Variants in TPH2 observed in about 807,000 individuals in gnomAD.
TPH2 encodes the protein tryptophan 5-hydroxylase 2.
TPH2 carries 27 observed loss-of-function variants against 59.1 expected under a neutral mutation model. The ratio of observed to expected loss-of-function variants is 0.46; its 90% CI spans 0.34 to 0.63. The LOEUF (loss-of-function observed/expected upper bound fraction) is 0.63. Ranked by LOEUF, TPH2 falls within the 30% of genes least tolerant of loss-of-function variation. TPH2 has a pLI of 0.01. For synonymous variants in TPH2, 220 were observed against 210.5 expected, an observed-to-expected ratio of 1.05 and a Z score of -0.39; for missense variants, 523 against 588.3, an observed-to-expected ratio of 0.89 and a Z score of 1.15.
At chr12:71,944,918 G>A (rs972944014) in intron 4 of TPH2, among the ~76,000 whole-genome samples, 11 of 152,226 alleles carry the variant, frequency 7.2e-5, no homozygotes, top group Non-Finnish European at 1.3e-4. Flanking sequence ...GGGTTGGATA[G>A]AGGAGGAGAC....
intron 8 of TPH2, among the ~76,000 whole-genome samples, chr12:71,998,567 G>T (rs1481107200): frequency 6.6e-6 from 1 of 151,904 alleles, no homozygotes; most frequent in Non-Finnish European, 1.5e-5. Flanking sequence ...TAACCTGTTG[G>T]ATACCATGCA....
intron 9 of TPH2, among the ~76,000 whole-genome samples, chr12:72,025,623 A>G (rs1028432711): frequency 7.2e-5 from 11 of 152,208 alleles, no homozygotes; most frequent in Non-Finnish European, 1.5e-4. Context: ...CCCCACAGCA[A>G]TGGTTGCCCC....
intron 9 of TPH2, among the ~76,000 whole-genome samples, chr12:72,026,498 T>G (rs889643913): frequency 2.5e-4 from 38 of 152,330 alleles, no homozygotes; most frequent in African/African-American, 8.9e-4. Context: ...CTAGTCTGTA[T>G]AGAAGAGGCC....
At chr12:71,974,511 T>G (rs756758219) in intron 6 of TPH2, among the ~76,000 whole-genome samples, 1 of 141,128 alleles carries the variant, frequency 7.1e-6, no homozygotes, top group Non-Finnish European at 1.6e-5. Flanking sequence ...ACTCTGACCC[T>G]TCTGCCTCCC....
chr12:71,997,482 A>G (rs931337211), intron 8 of TPH2, among the ~76,000 whole-genome samples: 4 of 152,212 alleles, frequency 2.6e-5, no homozygotes, highest in African/African-American at 9.6e-5. Context: ...TACTAGGCCA[A>G]CAAATTTGTA....
chr12:71,983,771 C>CAG lies in TPH2; in HGVS notation c.941+4685_941+4686insGA, dbSNP rs1352744859. 1.3e-4 allele frequency among the ~76,000 whole-genome samples: 19 copies of CAG among 143,920 alleles called. 1 individual carries two copies. Among genetic ancestry groups the CAG allele is most frequent in the African/African-American group, 5.0e-4 (18 of 36,110 alleles). 94.4% of individuals were successfully genotyped at this position (143,920 alleles called of 152,430 possible). On this transcript the variant is annotated intron_variant, in intron 7 of 10. Coordinates refer to ENST00000333850, the MANE Select transcript of TPH2 (RefSeq NM_173353.4). ...AGAGAGAGAGACAGACAGACAGACA[C>CAG]ACACAGAGAGAGAGAGACAGAGAGA...
intron 8 of TPH2, among the ~76,000 whole-genome samples, chr12:71,999,696 G>A (rs762939596): frequency 6.6e-6 from 1 of 152,306 alleles, no homozygotes; most frequent in Middle Eastern, 3.4e-3. Flanking sequence ...GACAACTGGA[G>A]AATGTATATA....
At chr12:71,966,812 T>A (rs1338432535) in intron 5 of TPH2, among the ~76,000 whole-genome samples, 1 of 152,178 alleles carries the variant, frequency 6.6e-6, no homozygotes, top group Non-Finnish European at 1.5e-5. Flanking sequence ...CTCCAATGAA[T>A]AAGTGAATTG....
chr12:72,022,745 TG>T (rs2139245554), intron 9 of TPH2, among the ~76,000 whole-genome samples: 1 of 152,316 alleles, frequency 6.6e-6, no homozygotes, highest in African/African-American at 2.4e-5. Context: ...CAATGACAAA[TG>T]TATGCCCAAA....
chr12:71,982,702 A>G (rs562976603), intron 7 of TPH2, among the ~76,000 whole-genome samples: 2 of 152,300 alleles, frequency 1.3e-5, no homozygotes, highest in African/African-American at 4.8e-5. Flanking sequence ...CAACTTCTCT[A>G]CTGTGTTTGC....
intron 5 of TPH2, among the ~76,000 whole-genome samples, chr12:71,955,265 C>T (rs114348206): frequency 1.5e-4 from 23 of 152,198 alleles, no homozygotes; most frequent in Non-Finnish European, 2.9e-4. Flanking sequence ...TTTTTCTCCT[C>T]TGTAAAATGG....
At chr12:71,961,806 T>A in intron 5 of TPH2, 1 of 1,194,792 alleles carries the variant, frequency 8.4e-7, no homozygotes, top group Non-Finnish European at 1.1e-6. Flanking sequence ...ACAGGACAAA[T>A]AAAAACAAAT....
intron 5 of TPH2, among the ~76,000 whole-genome samples, chr12:71,959,371 G>C (rs936651279): frequency 6.6e-6 from 1 of 152,188 alleles, no homozygotes; most frequent in African/African-American, 2.4e-5. Context: ...GAGTAGAGCT[G>C]TTTTGCTGCC....
chr12:71,978,990 C>G lies in TPH2; in HGVS notation c.844C>G (p.Leu282Val). 6.2e-7 allele frequency: 1 copy of G among 1,614,052 alleles called. No individual in the cohort carries two copies. Among genetic ancestry groups the G allele is most frequent in the Middle Eastern group, 1.6e-4 (1 of 6,062 alleles). Residue 282 changes from leucine (L) to valine (V), a missense_variant, in exon 7 of 11, where the codon CTG becomes GTG. Coordinates refer to ENST00000333850, the MANE Select transcript of TPH2 (RefSeq NM_173353.4). ...CACGGTGAGGCCGGTGGCTGGATAC[C>G]TGAGCCCACGAGACTTTCTGGCAGG... ...GFTVRPVAGY[L>V]SPRDFLAGLA...
At chr12:72,001,692 A>G (rs949025344) in intron 8 of TPH2, among the ~76,000 whole-genome samples, 1 of 152,198 alleles carries the variant, frequency 6.6e-6, no homozygotes, top group South Asian at 2.1e-4. Context: ...TGCTGGGATT[A>G]CAAACTTCTT....
intron 7 of TPH2, among the ~76,000 whole-genome samples, chr12:71,993,322 T>G (rs535975533): frequency 6.6e-6 from 1 of 152,252 alleles, no homozygotes; most frequent in African/African-American, 2.4e-5. Flanking sequence ...TTTGAAGTGA[T>G]AGATTTCAGA....
At chr12:71,946,806 A>G (rs1015540829) in intron 4 of TPH2, among the ~76,000 whole-genome samples, 7 of 152,148 alleles carry the variant, frequency 4.6e-5, no homozygotes, top group Non-Finnish European at 8.8e-5. Context: ...AGAAAGGGTT[A>G]AATATCTAGG....
At chr12:72,017,114 T>C (rs966003922) in intron 8 of TPH2, among the ~76,000 whole-genome samples, 6 of 152,242 alleles carry the variant, frequency 3.9e-5, no homozygotes, top group African/African-American at 1.4e-4. Flanking sequence ...AGTGCTTTTA[T>C]AAATCACCAG....
intron 1 of TPH2, among the ~76,000 whole-genome samples, chr12:71,940,562 T>G (rs1871029217): frequency 6.6e-6 from 1 of 152,204 alleles, no homozygotes; most frequent in Admixed American, 6.5e-5. Flanking sequence ...CAGGAGTTAC[T>G]TCTATGTCTG....
Sources: gnomAD v4.1 joint callset for allele counts (sites outside exome capture counted in the v4.1 genomes callset) on GRCh38, gnomAD v4.1.1 for gene constraint, MANE v1.5 for transcripts, NCBI Gene and HGNC (gene_info 2026-07-23, HGNC 2026-07-21) for gene names.